PTPRM: variants seen among roughly 807,000 people sequenced by gnomAD.
PTPRM encodes the protein protein tyrosine phosphatase receptor type M.
PTPRM carries 47 observed loss-of-function variants against 186.7 expected under a neutral mutation model. The ratio of observed to expected loss-of-function variants is 0.25; its 90% CI spans 0.20 to 0.32. PTPRM has a LOEUF of 0.32. PTPRM is among the 10% of genes least tolerant of loss of function. The probability of loss-of-function intolerance (pLI) is 1.00; values close to 1 mark genes in which losing one functional copy is unlikely to be tolerated. For synonymous variants in PTPRM, 668 were observed against 674.9 expected, an observed-to-expected ratio of 0.99 and a Z score of 0.16; for missense variants, 1,494 against 1,865.0, an observed-to-expected ratio of 0.80 and a Z score of 3.66.
chr18:7,730,014 A>G (rs1451222207), intron 1 of PTPRM, among the ~76,000 whole-genome samples: 38 of 152,146 alleles, frequency 2.5e-4, no homozygotes, highest in Non-Finnish European at 1.5e-4. Flanking sequence ...TTGGCTCTGA[A>G]TCTGTTACAC....
rs62644909 is a variant in PTPRM at position 7,985,274 on chromosome 18, A to T, written c.1132+29860A>T. Reference sequence around the variant, plus strand: ...ACACATATAAATATATACATATAATAGTATATACACATAAATATATACATA... The same window carrying T: ...ACACATATAAATATATACATATAATTGTATATACACATAAATATATACATA... On this transcript the variant is annotated intron_variant, in intron 7 of 32. Transcript: ENST00000580170. 2.4e-3 allele frequency among the ~76,000 whole-genome samples: 125 copies of T among 52,444 alleles called. 18 individuals carry two copies. Among genetic ancestry groups the T allele is most frequent in the Admixed American group, 5.4e-3 (27 of 5,010 alleles). 34.4% of individuals were successfully genotyped at this position (52,444 alleles called of 152,430 possible).
chr18:7,951,764 T>A (rs2052975809), intron 6 of PTPRM, among the ~76,000 whole-genome samples: 1 of 152,238 alleles, frequency 6.6e-6, no homozygotes, highest in Non-Finnish European at 1.5e-5. Context: ...ACATGCTAGA[T>A]ACTACTAGTT....
At chr18:8,163,694 T>C (rs2093271811) in intron 14 of PTPRM, among the ~76,000 whole-genome samples, 1 of 152,174 alleles carries the variant, frequency 6.6e-6, no homozygotes, top group Non-Finnish European at 1.5e-5. Context: ...AAGAGGGTGG[T>C]TGATTAATGA....
intron 1 of PTPRM, among the ~76,000 whole-genome samples, chr18:7,646,555 T>C (rs1018792051): frequency 6.6e-6 from 1 of 152,218 alleles, no homozygotes; most frequent in African/African-American, 2.4e-5. Context: ...GAGGACTCGC[T>C]CTTCCCACAG....
intron 14 of PTPRM, among the ~76,000 whole-genome samples, chr18:8,173,561 A>C (rs534014666): frequency 6.6e-6 from 1 of 152,352 alleles, no homozygotes; most frequent in East Asian, 1.9e-4. Flanking sequence ...ATTGCAATAA[A>C]GAAAGAGCAC....
chr18:8,014,868 G>T (rs948168160), intron 7 of PTPRM, among the ~76,000 whole-genome samples: 1 of 151,954 alleles, frequency 6.6e-6, no homozygotes, highest in Non-Finnish European at 1.5e-5. Flanking sequence ...ATAAGGCATT[G>T]CTGTGAATCC....
intron 4 of PTPRM, among the ~76,000 whole-genome samples, chr18:7,918,374 C>G (rs894299680): frequency 1.1e-4 from 17 of 152,110 alleles, no homozygotes; most frequent in African/African-American, 4.1e-4. Context: ...AAGGGTTCCC[C>G]TTTCTCCACA....
chr18:7,588,661 A>T (rs1390077386), intron 1 of PTPRM, among the ~76,000 whole-genome samples: 1 of 152,208 alleles, frequency 6.6e-6, no homozygotes, highest in Non-Finnish European at 1.5e-5. Context: ...ACAAAAACAA[A>T]TTGTTAATGA....
chr18:7,651,405 A>G (rs111554066), intron 1 of PTPRM, among the ~76,000 whole-genome samples: 56 of 152,030 alleles, frequency 3.7e-4, no homozygotes, highest in Admixed American at 6.6e-4. Context: ...AAAACATAAA[A>G]AGGGTTCATA....
At chr18:7,827,525 G>A (rs1216132914) in intron 2 of PTPRM, among the ~76,000 whole-genome samples, 1 of 152,194 alleles carries the variant, frequency 6.6e-6, no homozygotes, top group Non-Finnish European at 1.5e-5. Context: ...GGGCTTATCT[G>A]TCTTTTTACC....
chr18:7,900,021 G>C (rs913905824), intron 3 of PTPRM, among the ~76,000 whole-genome samples: 1 of 152,174 alleles, frequency 6.6e-6, no homozygotes, highest in Admixed American at 6.5e-5. Flanking sequence ...AAGGCATATT[G>C]TATTTGGCTG....
At chr18:7,904,700 T>C (rs2049884166) in intron 3 of PTPRM, among the ~76,000 whole-genome samples, 1 of 152,188 alleles carries the variant, frequency 6.6e-6, no homozygotes, top group African/African-American at 2.4e-5. Flanking sequence ...GTTTGGCTAT[T>C]ATGTATAAAG....
intron 20 of PTPRM, among the ~76,000 whole-genome samples, chr18:8,310,195 A>G (rs759521363): frequency 4.6e-5 from 7 of 151,856 alleles, no homozygotes; most frequent in Non-Finnish European, 1.0e-4. Context: ...TACCCCTCAG[A>G]TTCAGCCCTG....
intron 1 of PTPRM, among the ~76,000 whole-genome samples, chr18:7,715,585 C>T (rs2040310903): frequency 6.6e-6 from 1 of 152,196 alleles, no homozygotes; most frequent in South Asian, 2.1e-4. Context: ...TTGCATATGA[C>T]ATGATTGTAT....
At chr18:8,394,731 ATG>A (rs1332367032) in intron 32 of PTPRM, 120 bp downstream of exon 32, 33 of 1,091,568 alleles carry the variant, frequency 3.0e-5, no homozygotes, top group Non-Finnish European at 1.7e-5. Flanking sequence ...CAAAATCACA[ATG>A]TAATCACTTT....
chr18:8,378,192 G>A, intron 26 of PTPRM, 73 bp from the exon 27 acceptor site: 1 of 1,449,162 alleles, frequency 6.9e-7, no homozygotes, highest in Non-Finnish European at 9.5e-7. Flanking sequence ...ATGATGTGGG[G>A]CTAAAATTGA....
chr18:8,304,970 C>T (rs1002912848), intron 20 of PTPRM, among the ~76,000 whole-genome samples: 1 of 151,978 alleles, frequency 6.6e-6, no homozygotes, highest in Non-Finnish European at 1.5e-5. Flanking sequence ...GATTTTATCC[C>T]CTGCAGAAAC....
intron 1 of PTPRM, among the ~76,000 whole-genome samples, chr18:7,728,123 A>G (rs1196205273): frequency 6.6e-6 from 1 of 152,222 alleles, no homozygotes; most frequent in Non-Finnish European, 1.5e-5. Flanking sequence ...ATAGGAAATT[A>G]TAAGTAAGGT....
At chr18:8,272,352 T>C (rs2094783284) in intron 19 of PTPRM, among the ~76,000 whole-genome samples, 1 of 152,114 alleles carries the variant, frequency 6.6e-6, no homozygotes, top group South Asian at 2.1e-4. Context: ...AGTTTATTCT[T>C]TTCTTATTTT....
Sources: allele counts gnomAD v4.1 joint callset (sites outside exome capture counted in the v4.1 genomes callset), GRCh38; gene constraint gnomAD v4.1.1; transcripts MANE v1.5; gene names NCBI Gene and HGNC (gene_info 2026-07-23, HGNC 2026-07-21).